Variants in ALG12 observed in about 807,000 individuals in gnomAD.
The protein encoded by ALG12 is dol-P-Man:Man(7)GlcNAc(2)-PP-Dol alpha-1,6-mannosyltransferase.
A neutral mutation model predicts 46.0 loss-of-function variants in ALG12; 36 were observed. That is an observed-to-expected ratio of 0.78 (90% CI 0.60 to 1.03). ALG12 has a LOEUF of 1.03. ALG12 is among the 50% of genes least tolerant of loss of function. The pLI, the probability that ALG12 is intolerant of heterozygous loss-of-function variation, is 0.00. For synonymous variants in ALG12, 326 were observed against 291.6 expected, an observed-to-expected ratio of 1.12 and a Z score of -1.20; for missense variants, 599 against 633.5, an observed-to-expected ratio of 0.95 and a Z score of 0.58.
the ALG12 span, among the ~76,000 whole-genome samples, chr22:49,860,904 G>T: frequency 1.3e-5 from 2 of 151,078 alleles, no homozygotes; most frequent in African/African-American, 2.4e-5. Context: ...TCAGCCTCCC[G>T]AGTAGCTGGG....
the ALG12 span, among the ~76,000 whole-genome samples, chr22:49,880,889 G>A: frequency 6.6e-6 from 1 of 152,240 alleles, no homozygotes; most frequent in East Asian, 1.9e-4. Context: ...TTGTTTAAAA[G>A]CCTTTAATTT....
chr22:49,884,759 A>G, the ALG12 span: 2 of 1,596,820 alleles, frequency 1.3e-6, no homozygotes, highest in Non-Finnish European at 1.7e-6. Flanking sequence ...CTGCCGCCGG[A>G]GGGGGAGCTC....
Position 49,913,703 on chromosome 22 carries a change from G to A in ALG12, c.63C>T (p.Ala21=), listed in dbSNP as rs2060594366. 2 of 1,613,420 alleles carry A rather than the reference G, an allele frequency of 1.2e-6. No individual in the cohort carries two copies. Among genetic ancestry groups the A allele is most frequent in the Admixed American group, 3.3e-5 (2 of 60,020 alleles). The stretch of plus-strand genomic sequence containing the variant: ...AGGGACAGATGACCAGGTGGACAGT[G>A]GCTACGGCCACCAGCAGCCCCAGCA... ...PLLLGLLVAV[A]TVHLVICPYT... is the part of the protein sequence containing the mutation. Residue 21 remains alanine (A), a synonymous_variant, in exon 2 of 10, where the codon GCC becomes GCT. Transcript: ENST00000330817.
At chr22:49,865,403 A>C in the ALG12 span, among the ~76,000 whole-genome samples, 1 of 151,988 alleles carries the variant, frequency 6.6e-6, no homozygotes, top group Non-Finnish European at 1.5e-5. Context: ...TAATCCCAGC[A>C]CTTCGGGGGC....
chr22:49,907,530 C>T lies in ALG12; in HGVS notation c.992+191G>A, dbSNP rs9616366. Among the ~76,000 whole-genome samples the T allele has an allele frequency of 0.36, 54,452 of 152,046 alleles. 13,915 individuals are homozygous for T. The highest frequency in any genetic ancestry group is 0.73 in the African/African-American group (30,230 of 41,430). ...GCTCACACCTGCAATCCCAGCACTTCCAGAGGAGGAGGCAGGAGGATGGCT... is the reference window on the plus strand; with the variant it reads ...GCTCACACCTGCAATCCCAGCACTTTCAGAGGAGGAGGCAGGAGGATGGCT... On this transcript the variant is annotated intron_variant, in intron 7 of 9. Transcript: ENST00000330817.
Position 49,906,094 on chromosome 22 carries a change from G to C in ALG12, c.993-1588C>G, listed in dbSNP as rs753854760. Among the ~76,000 whole-genome samples the C allele has an allele frequency of 6.2e-4, 94 of 152,136 alleles. No homozygotes were observed. The highest frequency in any genetic ancestry group is 1.1e-3 in the Non-Finnish European group (73 of 68,020). On this transcript the variant is annotated intron_variant, in intron 7 of 9. Coordinates refer to ENST00000330817, the MANE Select transcript of ALG12 (RefSeq NM_024105.4). This position sits in a 1 kb window ranked among gnomAD's most constrained non-coding sequence, Gnocchi z 4.4. ...TGCTCTACCCTGCACCCCCTCATTT[G>C]GACTCCCCAAGTTTGTCCTCCTCCG...
At chr22:49,896,696 C>T (rs530630217), downstream of ALG12, among the ~76,000 whole-genome samples, 85 of 152,220 alleles carry the variant, frequency 5.6e-4, no homozygotes, top group South Asian at 1.2e-3. Context: ...AGTACAATGG[C>T]GTGATCTCAG....
intron 3 of ALG12, among the ~76,000 whole-genome samples, chr22:49,912,221 G>A (rs796718378): frequency 6.6e-6 from 1 of 152,198 alleles, no homozygotes; most frequent in Non-Finnish European, 1.5e-5. Flanking sequence ...CAGGGGCTGG[G>A]GGGGGCACTA....
At chr22:49,917,705 C>CTTTTTTTTT (rs111244256) in intron 1 of ALG12, among the ~76,000 whole-genome samples, 5,250 of 142,952 alleles carry the variant, frequency 0.037, 253 homozygotes, top group African/African-American at 0.1. Context: ...TCAGATGTTA[C>CTTTTTTTTT]TTTTTTTTTT....
chr22:49,909,383 A>G (rs1488181290), intron 5 of ALG12, 36 bp from the exon 6 acceptor site: 3 of 1,594,130 alleles, frequency 1.9e-6, no homozygotes, highest in Non-Finnish European at 2.6e-6. Context: ...AGTCGCAAAC[A>G]CAGCCATCAG....
At chr22:49,883,546 C>T in the ALG12 span, 1 of 1,353,942 alleles carries the variant, frequency 7.4e-7, no homozygotes, top group South Asian at 1.8e-5. Flanking sequence ...CTAGAAACAT[C>T]CTGAAAGATG....
At chr22:49,885,507 G>A in the ALG12 span, 1 of 1,610,796 alleles carries the variant, frequency 6.2e-7, no homozygotes, top group Non-Finnish European at 8.5e-7. Context: ...TGAAAACTGA[G>A]GTCTCGGAGA....
At chr22:49,862,399 C>G in the ALG12 span, among the ~76,000 whole-genome samples, 1 of 152,376 alleles carries the variant, frequency 6.6e-6, no homozygotes, top group African/African-American at 2.4e-5. Flanking sequence ...CCACTGCGCC[C>G]AGCCTAGTGT....
Position 49,903,839 on chromosome 22 carries a change from C to G in ALG12, c.1466G>C (p.Ter489SerextTer29). The G allele has an allele frequency of 6.2e-7, 1 of 1,614,156 alleles. No homozygotes were observed. Among genetic ancestry groups the G allele is most frequent in the Non-Finnish European group, 8.5e-7 (1 of 1,180,010 alleles). ...VLLERLPRPS[*>S] ...CTGCTGAGGGCTGCCTGGTCCCCCT[C>G]AGGACGGCCGGGGGAGCCTCTCCAG... The change falls in exon 10 of 10, where the codon TGA becomes TCA. Residue 489 changes from the stop codon to serine, a stop_lost. Transcript: ENST00000330817.
the ALG12 span, among the ~76,000 whole-genome samples, chr22:49,867,082 A>C: frequency 6.6e-6 from 1 of 152,164 alleles, no homozygotes; most frequent in African/African-American, 2.4e-5. Context: ...GCTGCATCTC[A>C]TCCATTTGGT....
At chr22:49,883,599 C>T in the ALG12 span, 16 of 1,461,700 alleles carry the variant, frequency 1.1e-5, no homozygotes, top group Non-Finnish European at 1.3e-5. Context: ...TTCGGGGGCA[C>T]AAATGAGCAC....
At chr22:49,912,017 G>A (rs189215586) in intron 3 of ALG12, among the ~76,000 whole-genome samples, 1 of 150,636 alleles carries the variant, frequency 6.6e-6, no homozygotes, top group Non-Finnish European at 1.5e-5. Flanking sequence ...GATCAGCCTC[G>A]GCCACGGGAT....
rs1271657138 is a variant in ALG12 at position 49,909,908 on chromosome 22, C to A, written c.650G>T (p.Gly217Val). 1 of 1,614,126 alleles carries A rather than the reference C, an allele frequency of 6.2e-7. No individual in the cohort carries two copies. Among genetic ancestry groups the A allele is most frequent in the Non-Finnish European group, 8.5e-7 (1 of 1,180,022 alleles). The change falls in exon 5 of 10, where the codon GGG becomes GTG. Residue 217 changes from glycine to valine, a missense_variant. Coordinates refer to ENST00000330817, the MANE Select transcript of ALG12 (RefSeq NM_024105.4). Reference protein sequence around the residue: ...VRALRHAVPAGILCLGLTVAV... With the variant: ...VRALRHAVPAVILCLGLTVAV... ...GACTGACTTACCTAAACAGAGGATC[C>A]CTGCCGGGACGGCGTGGCGAAGGGC...
At chr22:49,865,504 A>AT in the ALG12 span, among the ~76,000 whole-genome samples, 137 of 151,608 alleles carry the variant, frequency 9.0e-4, 1 homozygote, top group East Asian at 0.011. Context: ...AAAAAAAAAA[A>AT]AATAATAACC....
Sources: allele counts gnomAD v4.1 joint callset (sites outside exome capture counted in the v4.1 genomes callset), GRCh38; gene constraint gnomAD v4.1.1; non-coding constraint Gnocchi (gnomAD v3.1); transcripts MANE v1.5; gene names NCBI Gene and HGNC (gene_info 2026-07-23, HGNC 2026-07-21).